The following ANGPT1 variants were observed in gnomAD, a reference collection of about 807,000 sequenced individuals.
ANGPT1 encodes angiopoietin 1.
ANGPT1 carries 17 observed loss-of-function variants against 62.2 expected under a neutral mutation model. The ratio of observed to expected loss-of-function variants is 0.27; its 90% CI spans 0.19 to 0.41. The LOEUF (loss-of-function observed/expected upper bound fraction) is 0.41. ANGPT1 is among the 10% of genes least tolerant of loss of function. ANGPT1 has a pLI of 1.00. For missense variants in ANGPT1, 478 were observed against 594.9 expected (o/e 0.80, Z 2.04); for synonymous variants, 199 against 198.9 (o/e 1.00, Z 0.00).
chr8:107,384,807 G>T (rs1024985788), intron 1 of ANGPT1, among the ~76,000 whole-genome samples: 4 of 152,090 alleles, frequency 2.6e-5, no homozygotes, highest in Non-Finnish European at 5.9e-5. Flanking sequence ...TAAGGTGAAA[G>T]GTGGGGGTCT....
chr8:107,256,770 G>GA (rs1007279215), intron 8 of ANGPT1, among the ~76,000 whole-genome samples: 8 of 151,418 alleles, frequency 5.3e-5, no homozygotes, highest in Non-Finnish European at 1.2e-4. Flanking sequence ...GCAAAGGATT[G>GA]AAAAAAAAGT....
intron 8 of ANGPT1, among the ~76,000 whole-genome samples, chr8:107,262,589 T>A (rs577035237): frequency 1.3e-5 from 2 of 152,348 alleles, no homozygotes; most frequent in East Asian, 3.9e-4. Flanking sequence ...TTAATAATGG[T>A]AGTAACGTAG....
intron 6 of ANGPT1, 88 bp from the exon 7 acceptor site, chr8:107,284,936 A>T: frequency 9.7e-7 from 1 of 1,034,828 alleles, no homozygotes; most frequent in Non-Finnish European, 1.3e-6. Context: ...ATAATAATTA[A>T]AAATTATTAA....
chr8:107,398,485 A>ATT (rs994158916), intron 1 of ANGPT1, among the ~76,000 whole-genome samples: 1 of 137,432 alleles, frequency 7.3e-6, no homozygotes. Context: ...ATAAATGTTA[A>ATT]TTTTTTTCTT....
At chr8:107,356,748 C>A (rs1461645891) in intron 1 of ANGPT1, among the ~76,000 whole-genome samples, 1 of 152,302 alleles carries the variant, frequency 6.6e-6, no homozygotes, top group East Asian at 1.9e-4. Flanking sequence ...CTGAAATGTG[C>A]TTCTTGGGAA....
intron 4 of ANGPT1, among the ~76,000 whole-genome samples, chr8:107,310,037 CA>C (rs1345764707): frequency 6.6e-6 from 1 of 152,008 alleles, no homozygotes; most frequent in Non-Finnish European, 1.5e-5. Context: ...TTTAATTAAA[CA>C]TTTTTAAAAA....
chr8:107,310,509 G>A (rs1814823899), intron 4 of ANGPT1, among the ~76,000 whole-genome samples: 1 of 152,148 alleles, frequency 6.6e-6, no homozygotes, highest in African/African-American at 2.4e-5. Flanking sequence ...TTCAGTATAA[G>A]CCATAAGTCT....
chr8:107,484,611 T>C (rs978912569), intron 1 of ANGPT1, among the ~76,000 whole-genome samples: 1 of 152,140 alleles, frequency 6.6e-6, no homozygotes, highest in African/African-American at 2.4e-5. Context: ...GGTTTCACCA[T>C]GTTGCCCAGG....
chr8:107,352,895 A>G (rs1815962889), intron 1 of ANGPT1, among the ~76,000 whole-genome samples: 1 of 152,172 alleles, frequency 6.6e-6, no homozygotes, highest in Admixed American at 6.5e-5. Flanking sequence ...TGATGGTTTT[A>G]TCTAATCTCA....
chr8:107,472,789 A>T (rs73295715), intron 1 of ANGPT1, among the ~76,000 whole-genome samples: 2,360 of 152,156 alleles, frequency 0.016, 56 homozygotes, highest in African/African-American at 0.05. Flanking sequence ...ACTCACACAC[A>T]CATACATATA....
chr8:107,426,210 C>A (rs1385252670), intron 1 of ANGPT1, among the ~76,000 whole-genome samples: 1 of 152,084 alleles, frequency 6.6e-6, no homozygotes, highest in Non-Finnish European at 1.5e-5. Flanking sequence ...CGTGAGGGAT[C>A]CTGAAGGTCA....
intron 7 of ANGPT1, among the ~76,000 whole-genome samples, chr8:107,282,724 T>C (rs569508792): frequency 6.6e-6 from 1 of 151,538 alleles, no homozygotes; most frequent in Non-Finnish European, 1.5e-5. Flanking sequence ...TATCAGAGTG[T>C]ATGCATCACC....
chr8:107,469,234 A>G (rs543185123), intron 1 of ANGPT1, among the ~76,000 whole-genome samples: 1 of 152,136 alleles, frequency 6.6e-6, no homozygotes, highest in African/African-American at 2.4e-5. Context: ...TGAAGAGTTT[A>G]TATCTTGACC....
intron 6 of ANGPT1, among the ~76,000 whole-genome samples, chr8:107,288,496 T>TG (rs2130154989): frequency 6.6e-6 from 1 of 152,198 alleles, no homozygotes; most frequent in East Asian, 1.9e-4. Flanking sequence ...GAAACAGCTG[T>TG]GGGGGTTTTA....
At chr8:107,292,560 C>T (rs1307717333) in intron 6 of ANGPT1, among the ~76,000 whole-genome samples, 1 of 152,146 alleles carries the variant, frequency 6.6e-6, no homozygotes, top group Non-Finnish European at 1.5e-5. Flanking sequence ...CTACAATCAT[C>T]TCTGTGGAAT....
intron 8 of ANGPT1, among the ~76,000 whole-genome samples, chr8:107,261,274 T>TA (rs35789449): frequency 0.87 from 131,630 of 151,114 alleles, 57,356 homozygotes; most frequent in Middle Eastern, 0.92. Flanking sequence ...GTGTACCATT[T>TA]AAAAAAAAAT....
At chr8:107,483,464 TACTG>T (rs1390535037) in intron 1 of ANGPT1, among the ~76,000 whole-genome samples, 1 of 152,166 alleles carries the variant, frequency 6.6e-6, no homozygotes, top group African/African-American at 2.4e-5. Flanking sequence ...CAGTAAGAGA[TACTG>T]ACAGTTTCAC....
intron 6 of ANGPT1, 76 bp from the exon 7 acceptor site, chr8:107,284,924 A>G (rs1814103885): frequency 8.9e-7 from 1 of 1,127,540 alleles, no homozygotes. Context: ...ACTATTTTCT[A>G]AATAATAATT....
At chr8:107,370,700 C>CAAAAAAAAAAAAAA (rs71308729) in intron 1 of ANGPT1, among the ~76,000 whole-genome samples, 14 of 75,572 alleles carry the variant, frequency 1.9e-4, no homozygotes, top group African/African-American at 2.6e-4. Flanking sequence ...AAGACTCTGT[C>CAAAAAAAAAAAAAA]AAAAAAAAAA....
Sources: gnomAD v4.1 joint callset for allele counts (sites outside exome capture counted in the v4.1 genomes callset) on GRCh38, gnomAD v4.1.1 for gene constraint, MANE v1.5 for transcripts, NCBI Gene and HGNC (gene_info 2026-07-23, HGNC 2026-07-21) for gene names.